AP1G1: variants seen among roughly 807,000 people sequenced by gnomAD.
AP1G1 encodes the protein adaptor related protein complex 1 subunit gamma 1, also known as AP-1 complex subunit gamma-1.
Under a neutral mutation model 108.3 loss-of-function variants are expected in AP1G1, and 7 were observed. That is an observed-to-expected ratio of 0.06 (90% CI 0.04 to 0.12). The LOEUF is 0.12. Among genes scored for constraint, AP1G1 ranks in the 10% least tolerant of loss-of-function variants. The pLI is 1.00. For synonymous variants in AP1G1, 379 were observed against 353.5 expected, an observed-to-expected ratio of 1.07 and a Z score of -0.81; for missense variants, 756 against 1,010.7, an observed-to-expected ratio of 0.75 and a Z score of 3.42.
At chr16:71,743,872 G>C (rs919668927) in intron 19 of AP1G1, among the ~76,000 whole-genome samples, 2 of 149,796 alleles carry the variant, frequency 1.3e-5, no homozygotes, top group African/African-American at 4.9e-5. Context: ...CTTGAACCCA[G>C]GTTGCAGAGG....
At chr16:71,781,725 C>A (rs185160767) in intron 2 of AP1G1, among the ~76,000 whole-genome samples, 4 of 152,268 alleles carry the variant, frequency 2.6e-5, no homozygotes, top group Admixed American at 1.3e-4. Context: ...TATAAACTTA[C>A]CTATTATCTG....
At chr16:71,789,792 CTCAAA>C (rs771421395) in intron 1 of AP1G1, among the ~76,000 whole-genome samples, 44 of 152,168 alleles carry the variant, frequency 2.9e-4, no homozygotes, top group Non-Finnish European at 4.6e-4. Flanking sequence ...ACTAATACAA[CTCAAA>C]TCTTTACTCA....
chr16:71,748,780 C>T (rs2030321685), intron 15 of AP1G1, among the ~76,000 whole-genome samples: 1 of 152,152 alleles, frequency 6.6e-6, no homozygotes, highest in Non-Finnish European at 1.5e-5. Flanking sequence ...CTCATTTCTT[C>T]TTGTTTACCA....
chr16:71,771,083 C>G (rs2031551276), intron 5 of AP1G1, 73 bp downstream of exon 5: 3 of 932,110 alleles, frequency 3.2e-6, no homozygotes, highest in Non-Finnish European at 5.0e-6. Context: ...AGACACAGGA[C>G]TAACATAGCC....
chr16:71,807,193 AGGCG>A (rs2033023445), intron 1 of AP1G1, among the ~76,000 whole-genome samples: 1 of 146,684 alleles, frequency 6.8e-6, no homozygotes, highest in South Asian at 2.2e-4. Flanking sequence ...TGGGAGGCCG[AGGCG>A]GGCGGATTAC....
chr16:71,758,739 A>C (rs1282039799), intron 11 of AP1G1, 69 bp downstream of exon 11: 1 of 875,496 alleles, frequency 1.1e-6, no homozygotes, highest in East Asian at 2.5e-5. Flanking sequence ...GCAGCGGCAT[A>C]GAGCTATCAA....
intron 2 of AP1G1, among the ~76,000 whole-genome samples, chr16:71,784,036 T>C (rs973527551): frequency 6.6e-6 from 1 of 152,156 alleles, no homozygotes; most frequent in Non-Finnish European, 1.5e-5. Flanking sequence ...ACTTTTGTTA[T>C]AAAAATGCTG....
chr16:71,730,709 A>T lies in AP1G1; in HGVS notation c.*2349T>A, dbSNP rs1007933372. The stretch of plus-strand genomic sequence containing the variant: ...GCAGTTATTTGGCTGCTAGTCCTTC[A>T]GTATGGTGCTTGTGTTCTGATTCCA... On this transcript the variant is annotated 3_prime_UTR_variant, in exon 23 of 23. Transcript: ENST00000299980. The T allele has an allele frequency of 6.5e-6, 1 of 152,792 alleles. No individual in the cohort carries two copies. Among genetic ancestry groups the T allele is most frequent in the South Asian group, 2.1e-4 (1 of 4,826 alleles). 9.5% of individuals were successfully genotyped at this position (152,792 alleles called of 1,614,324 possible).
chr16:71,783,832 A>G (rs1161027417), intron 2 of AP1G1, among the ~76,000 whole-genome samples: 1 of 152,090 alleles, frequency 6.6e-6, no homozygotes, highest in Non-Finnish European at 1.5e-5. Flanking sequence ...TTTCTTTTTT[A>G]TGTACTGGCA....
At chr16:71,753,575 G>A in intron 13 of AP1G1, 1 of 452,322 alleles carries the variant, frequency 2.2e-6, no homozygotes, top group Non-Finnish European at 4.1e-6. Context: ...CTACTCAAAT[G>A]TTATCTCCTC....
rs185277260 is a variant in AP1G1 at position 71,787,873 on chromosome 16, C to A, written c.201+1406G>T. Among the ~76,000 whole-genome samples, 626 of 152,264 alleles carry A rather than the reference C, an allele frequency of 4.1e-3. 1 individual carries two copies. The highest frequency in any genetic ancestry group is 0.014 in the Middle Eastern group (4 of 294). On this transcript the variant is annotated intron_variant, in intron 2 of 22. Transcript: ENST00000299980. Reference sequence around the variant, plus strand: ...ACATATTATATTTTTAGAAACTATTCATGTGAAAGAGAAGAATGCTATTAT... The same window carrying A: ...ACATATTATATTTTTAGAAACTATTAATGTGAAAGAGAAGAATGCTATTAT...
At chr16:71,785,426 A>C (rs748127596) in intron 2 of AP1G1, among the ~76,000 whole-genome samples, 1 of 151,818 alleles carries the variant, frequency 6.6e-6, no homozygotes, top group Non-Finnish European at 1.5e-5. Context: ...AAATACAAAA[A>C]TTAGCCGGGT....
chr16:71,760,835 C>T (rs2031051966), intron 10 of AP1G1, among the ~76,000 whole-genome samples: 1 of 152,156 alleles, frequency 6.6e-6, no homozygotes, highest in South Asian at 2.1e-4. Context: ...GGGTGAACCA[C>T]TACGCCTAGC....
chr16:71,763,317 T>C (rs2031180586), intron 9 of AP1G1, among the ~76,000 whole-genome samples: 1 of 152,186 alleles, frequency 6.6e-6, no homozygotes, highest in Non-Finnish European at 1.5e-5. Flanking sequence ...AGTAGTCAAA[T>C]TCACAGACGG....
At chr16:71,798,604 CG>C (rs2032670076) in intron 1 of AP1G1, among the ~76,000 whole-genome samples, 2 of 149,922 alleles carry the variant, frequency 1.3e-5, no homozygotes, top group Non-Finnish European at 3.0e-5. Flanking sequence ...TAAATGAGGC[CG>C]GGCGTGGTGC....
intron 6 of AP1G1, among the ~76,000 whole-genome samples, chr16:71,768,479 C>T (rs28513417): frequency 0.26 from 29,260 of 113,254 alleles, 3,519 homozygotes; most frequent in South Asian, 0.51. Context: ...TCAGCCTGGG[C>T]GACAGAGCCA....
chr16:71,800,137 G>A (rs575912645), intron 1 of AP1G1, among the ~76,000 whole-genome samples: 72 of 151,050 alleles, frequency 4.8e-4, no homozygotes, highest in Middle Eastern at 3.4e-3. Flanking sequence ...GGCCGAGGCA[G>A]GTGGATCACG....
intron 2 of AP1G1, among the ~76,000 whole-genome samples, chr16:71,777,156 G>C (rs2031815713): frequency 6.6e-6 from 1 of 150,936 alleles, no homozygotes; most frequent in Non-Finnish European, 1.5e-5. Context: ...AGGGAGGGGA[G>C]GGAGGCAGCT....
intron 1 of AP1G1, among the ~76,000 whole-genome samples, chr16:71,797,893 G>C (rs1422070512): frequency 6.6e-6 from 1 of 152,150 alleles, no homozygotes; most frequent in Admixed American, 6.5e-5. Flanking sequence ...TACAAGGAGA[G>C]TGGGGGAGTT....
Sources: allele counts gnomAD v4.1 joint callset (sites outside exome capture counted in the v4.1 genomes callset), GRCh38; gene constraint gnomAD v4.1.1; transcripts MANE v1.5; gene names NCBI Gene and HGNC (gene_info 2026-07-23, HGNC 2026-07-21).